Variants in ZNF496 observed in about 807,000 individuals in gnomAD.
ZNF496 encodes NSD1 (nuclear receptor binding SET-domain containing 1)-interacting zinc finger protein 1.
Under a neutral mutation model 58.9 loss-of-function variants are expected in ZNF496, and 11 were observed. The ratio of observed to expected loss-of-function variants is 0.19; its 90% CI spans 0.12 to 0.31. ZNF496 has a LOEUF of 0.31. Among genes scored for constraint, ZNF496 ranks in the 10% least tolerant of loss-of-function variants. The pLI is 1.00. For synonymous variants in ZNF496, 338 were observed against 318.2 expected, an observed-to-expected ratio of 1.06 and a Z score of -0.66; for missense variants, 660 against 783.0, an observed-to-expected ratio of 0.84 and a Z score of 1.88.
chr1:247,308,278 C>T lies in ZNF496; in HGVS notation c.1006+197G>A, dbSNP rs1659480307. Among the ~76,000 whole-genome samples the T allele has an allele frequency of 6.6e-6, 1 of 152,176 alleles. No individual in the cohort carries two copies. Among genetic ancestry groups the T allele is most frequent in the Admixed American group, 6.5e-5 (1 of 15,288 alleles). ...CACCACCGCACATTTACATCACACA[C>T]CCACATGCCCCCAACACACAGGTGC... On this transcript the variant is annotated intron_variant, in intron 9 of 9. Transcript: ENST00000682384. This position sits in a 1 kb window ranked among gnomAD's most constrained non-coding sequence, Gnocchi z 4.5.
rs1659494623 is a variant in ZNF496, at chr1:247,308,650, G to C, written c.893-62C>G. On this transcript the variant is annotated intron_variant, in intron 8 of 9. Coordinates refer to ENST00000682384, the MANE Select transcript of ZNF496 (RefSeq NM_032752.3). The surrounding 1 kb of genome is among the most constrained non-coding windows in gnomAD (Gnocchi z 4.5). ...TGCACCTACAGCACTACCTGGGAGG[G>C]TGCTATCCGAATAGATGCCAGGCTA... is the stretch of plus-strand genomic sequence containing the variant. 1.3e-6 allele frequency: 2 copies of C among 1,490,368 alleles called. No homozygotes were observed. The highest frequency in any genetic ancestry group is 2.8e-5 in the African/African-American group (2 of 72,342). The allele number at this position is 1,490,368 out of a possible 1,614,324, so 92.3% of individuals were successfully genotyped here.
Position 247,309,401 on chromosome 1 carries a change from G to A in ZNF496, c.892+298C>T, listed in dbSNP as rs976645547. The A allele has an allele frequency of 1.1e-5, 13 of 1,219,896 alleles. No individual in the cohort carries two copies. The highest frequency in any genetic ancestry group is 3.9e-5 in the Admixed American group (1 of 25,564). The allele number at this position is 1,219,896 out of a possible 1,614,324, so 75.6% of individuals were successfully genotyped here. On this transcript the variant is annotated intron_variant, in intron 8 of 9. Coordinates refer to ENST00000682384, the MANE Select transcript of ZNF496 (RefSeq NM_032752.3). The surrounding 1 kb of genome is among the most constrained non-coding windows in gnomAD (Gnocchi z 4.3). The stretch of plus-strand genomic sequence containing the variant: ...GAGTATCTGACTTCACTCCTGGAGG[G>A]GCTGCTGCATTGTCAGCACAAACCA...
At chr1:247,310,210 C>A in intron 7 of ZNF496, 114 bp downstream of exon 7, 2 of 1,527,518 alleles carry the variant, frequency 1.3e-6, no homozygotes, top group Non-Finnish European at 1.8e-6. Context: ...ACAGAGAGAT[C>A]TGATGCAGGC....
chr1:247,304,498 A>G (rs1210810743), intron 9 of ZNF496, among the ~76,000 whole-genome samples: 1 of 151,652 alleles, frequency 6.6e-6, no homozygotes, highest in East Asian at 1.9e-4. Context: ...CAGCCTCCTG[A>G]GTAGCTGGGA....
At chr1:247,330,234 C>A (rs1015903972) in intron 2 of ZNF496, among the ~76,000 whole-genome samples, 153 bp from the exon 3 acceptor site, 1 of 152,120 alleles carries the variant, frequency 6.6e-6, no homozygotes, top group Non-Finnish European at 1.5e-5. Context: ...CAATGGGAGG[C>A]AAGGGAAAAC....
rs760263203 is a variant in ZNF496, at chr1:247,300,475, G to A, written c.*44C>T. On this transcript the variant is annotated 3_prime_UTR_variant, in exon 10 of 10. Transcript: ENST00000682384. This position sits in a 1 kb window ranked among gnomAD's most constrained non-coding sequence, Gnocchi z 5.7. ...GGGGCGCTGATCAGTACCAAGGTGAGGGGGCAGCACCAGCCAGGGTGAGGC... is the reference window on the plus strand; with the variant it reads ...GGGGCGCTGATCAGTACCAAGGTGAAGGGGCAGCACCAGCCAGGGTGAGGC... 1.9e-6 allele frequency: 3 copies of A among 1,559,224 alleles called. No homozygotes were observed. Among genetic ancestry groups the A allele is most frequent in the Non-Finnish European group, 1.7e-6 (2 of 1,151,210 alleles).
In ZNF496 at chr1:247,329,064, T is replaced by A; in HGVS notation, c.390+125A>T. ...CTGGCTTTCTTAGGAAACTCTAGTC[T>A]GGACCTAACCAAAGTAAATGGCTCT... On this transcript the variant is annotated intron_variant, in intron 4 of 9. Transcript: ENST00000682384. The surrounding 1 kb of genome is among the most constrained non-coding windows in gnomAD (Gnocchi z 5.5). The A allele has an allele frequency of 6.6e-7, 1 of 1,511,184 alleles. No individual in the cohort carries two copies. The highest frequency in any genetic ancestry group is 9.0e-7 in the Non-Finnish European group (1 of 1,107,650). The allele number at this position is 1,511,184 out of a possible 1,614,324, so 93.6% of individuals were successfully genotyped here.
chr1:247,310,431 A>G lies in ZNF496; in HGVS notation c.677T>C (p.Met226Thr). 6.2e-7 allele frequency: 1 copy of G among 1,614,166 alleles called. No homozygotes were observed. The highest frequency in any genetic ancestry group is 8.5e-7 in the Non-Finnish European group (1 of 1,180,026). Residue 226 changes from methionine (M) to threonine (T), a missense_variant, in exon 7 of 10, where the codon ATG becomes ACG. Met to Thr is a moderately conservative substitution (Grantham distance 81). Coordinates refer to ENST00000682384, the MANE Select transcript of ZNF496 (RefSeq NM_032752.3). ...ATCCTCTTCAGAGAAGCATAAAATC[A>G]TGTCCTTGAATGGAGAAACCCGACT... Reference protein sequence around the residue: ...PPSRVSPFKDMILCFSEEDWS... With the variant: ...PPSRVSPFKDTILCFSEEDWS...
rs1425384991 is a variant in ZNF496, at chr1:247,300,351, G to A, written c.*168C>T. The A allele has an allele frequency of 6.4e-6, 4 of 623,082 alleles. No individual in the cohort carries two copies. The highest frequency in any genetic ancestry group is 3.6e-5 in the African/African-American group (2 of 54,934). 38.6% of individuals were successfully genotyped at this position (623,082 alleles called of 1,614,324 possible). A position where few individuals can be genotyped will look rare whatever the true frequency, so the allele number is the denominator to read the frequency against. ...GGCCACTCTTTCATTACCTGGGGGA[G>A]GGAGAGTGCTCCCATGGCACCACCC... On this transcript the variant is annotated 3_prime_UTR_variant, in exon 10 of 10. Coordinates refer to ENST00000682384, the MANE Select transcript of ZNF496 (RefSeq NM_032752.3). The surrounding 1 kb of genome is among the most constrained non-coding windows in gnomAD (Gnocchi z 5.7).
chr1:247,307,091 C>T (rs1388034896), intron 9 of ZNF496: 3 of 985,222 alleles, frequency 3.0e-6, no homozygotes, highest in African/African-American at 1.7e-5. Context: ...AGATATTCCA[C>T]CTCAGTGGCG....
At chr1:247,312,916 C>G (rs2103023028) in intron 6 of ZNF496, 1 of 152,088 alleles carries the variant, frequency 6.6e-6, no homozygotes, top group East Asian at 1.9e-4. Flanking sequence ...CTGTCTTAAT[C>G]CATTTGGGCT....
chr1:247,314,701 T>C (rs1659714494), intron 6 of ZNF496, among the ~76,000 whole-genome samples: 1 of 152,146 alleles, frequency 6.6e-6, no homozygotes, highest in South Asian at 2.1e-4. Context: ...TTTCCCCGGG[T>C]GTTGGGGCCA....
At chr1:247,325,176 T>C (rs749555691) in intron 5 of ZNF496, among the ~76,000 whole-genome samples, 13 of 152,162 alleles carry the variant, frequency 8.5e-5, no homozygotes, top group Non-Finnish European at 1.9e-4. Flanking sequence ...CAGGAGTGGC[T>C]ATGTGGAACA....
rs751936713 is a variant in ZNF496, at chr1:247,301,095, T to A, written c.1188A>T (p.Gly396=). ...PASHRSSTEA[G]GEVQTSKKSY... ...ACTTCTTGGAGGTCTGCACCTCGCC[T>A]CCGGCCTCGGTGCTGCTCCGGTGGG... is the stretch of plus-strand genomic sequence containing the variant. Residue 396 remains glycine, a synonymous_variant, in exon 10 of 10, where the codon GGA becomes GGT. Transcript: ENST00000682384. 1 of 1,613,774 alleles carries A rather than the reference T, an allele frequency of 6.2e-7. No homozygotes were observed. The highest frequency in any genetic ancestry group is 1.7e-5 in the Admixed American group (1 of 60,026).
At chr1:247,306,485 C>T (rs1659413145) in intron 9 of ZNF496, among the ~76,000 whole-genome samples, 1 of 149,640 alleles carries the variant, frequency 6.7e-6, no homozygotes, top group African/African-American at 2.5e-5. Context: ...GCGTGAGCCA[C>T]TGCACCTGGC....
Position 247,300,769 on chromosome 1 carries a change from G to T in ZNF496, c.1514C>A (p.Ala505Glu). Reference sequence around the variant, plus strand: ...CAGCGGCTCTTTGGGACCCTTGTCCGCGTCCTCGGATGCCGCCTGCTCTCT... The same window carrying T: ...CAGCGGCTCTTTGGGACCCTTGTCCTCGTCCTCGGATGCCGCCTGCTCTCT... ...EKREQAASED[A>E]DKGPKEPLEN... Residue 505 changes from alanine (A) to glutamate (E), a missense_variant, in exon 10 of 10, where the codon GCG becomes GAG. Physicochemically the swap from Ala to Glu is moderately radical, Grantham distance 107. Coordinates refer to ENST00000682384, the MANE Select transcript of ZNF496 (RefSeq NM_032752.3). This position sits in a 1 kb window ranked among gnomAD's most constrained non-coding sequence, Gnocchi z 5.7. 1 of 1,605,140 alleles carries T rather than the reference G, an allele frequency of 6.2e-7. No individual in the cohort carries two copies. The highest frequency in any genetic ancestry group is 8.5e-7 in the Non-Finnish European group (1 of 1,173,536).
At position 247,309,754 on chromosome 1, in the gene ZNF496, G is replaced by A. The variant is rs112850226; in HGVS notation, c.837C>T (p.Arg279=). Residue 279 remains arginine, a synonymous_variant, in exon 8 of 10, where the codon CGC becomes CGT. Transcript: ENST00000682384. The surrounding 1 kb of genome is among the most constrained non-coding windows in gnomAD (Gnocchi z 4.3). ...DLSQGEENEP[R]VPELQDLQGK... ...CCTGGAGATCCTGCAACTCTGGAAC[G>A]CGTGGCTCATTCTCCTCTCCCTGGG... is the stretch of plus-strand genomic sequence containing the variant. 45 of 1,614,194 alleles carry A rather than the reference G, an allele frequency of 2.8e-5. No individual in the cohort carries two copies. Among genetic ancestry groups the A allele is most frequent in the Admixed American group, 1.3e-4 (8 of 60,022 alleles).
intron 6 of ZNF496, chr1:247,311,722 A>AGGCTCTGGGT (rs1659609481): frequency 1.0e-4 from 1 of 9,640 alleles, no homozygotes; most frequent in African/African-American, 1.4e-4. Context: ...TGAGTCCCCA[A>AGGCTCTGGGT]GGCCCTGGGT....
At chr1:247,307,747 T>G in intron 9 of ZNF496, 1 of 985,358 alleles carries the variant, frequency 1.0e-6, no homozygotes, top group Non-Finnish European at 1.2e-6. Context: ...TATGTGTGAG[T>G]TGGTCTCCAT....
Sources: gnomAD v4.1 joint callset for allele counts (sites outside exome capture counted in the v4.1 genomes callset) on GRCh38, gnomAD v4.1.1 for gene constraint, Gnocchi (gnomAD v3.1) non-coding constraint, MANE v1.5 for transcripts, NCBI Gene and HGNC (gene_info 2026-07-23, HGNC 2026-07-21) for gene names.